Variants in SLC39A10 observed in about 807,000 individuals in gnomAD.
SLC39A10 encodes the protein solute carrier family 39 member 10, also known as zinc transporter ZIP10.
Under a neutral mutation model 65.1 loss-of-function variants are expected in SLC39A10, and 13 were observed. The ratio of observed to expected loss-of-function variants is 0.20; its 90% CI spans 0.13 to 0.32. The LOEUF (loss-of-function observed/expected upper bound fraction) is 0.32. SLC39A10 is among the 10% of genes least tolerant of loss of function. The probability of loss-of-function intolerance (pLI) is 1.00; values close to 1 mark genes in which losing one functional copy is unlikely to be tolerated. For missense variants in SLC39A10, 831 were observed against 1,018.4 expected, an observed-to-expected ratio of 0.82 and a Z score of 2.50; for synonymous variants, 321 against 342.2, an observed-to-expected ratio of 0.94 and a Z score of 0.68.
At chr2:195,637,895 T>A (rs759928795) in intron 2 of SLC39A10, among the ~76,000 whole-genome samples, 14 of 152,280 alleles carry the variant, frequency 9.2e-5, no homozygotes, top group African/African-American at 2.9e-4. Flanking sequence ...TGAGATAATA[T>A]GAAGTGATAA....
chr2:195,716,886 A>G lies in SLC39A10; in HGVS notation c.1946A>G (p.His649Arg). The G allele has an allele frequency of 6.2e-7, 1 of 1,608,256 alleles. No homozygotes were observed. Among genetic ancestry groups the G allele is most frequent in the Admixed American group, 1.7e-5 (1 of 59,914 alleles). Residue 649 changes from histidine (H) to arginine (R), a missense_variant, in exon 7 of 10, where the codon CAT becomes CGT. Around this residue, in one of 4 missense-constraint regions of SLC39A10, gnomAD observed 230 missense variants for 242.9 expected, o/e 0.95. Coordinates refer to ENST00000359634, the MANE Select transcript of SLC39A10 (RefSeq NM_020342.3). ...HNHQWHHKHSHHSHGPCHSGS... is the reference protein window; with the variant it reads ...HNHQWHHKHSRHSHGPCHSGS... ...CACCAGTGGCACCACAAGCATTCTC[A>G]TCATTCCCATGGCCCCTGTCATTCT...
Position 195,657,469 on chromosome 2 carries a change from G to A in SLC39A10, c.-12+188G>A, listed in dbSNP as rs868022907. The stretch of plus-strand genomic sequence containing the variant: ...CTGCTGCAGTCGGCGGCGGCCAGCC[G>A]AAGCAGAGCGCGTGGTGGGCAGAGT... On this transcript the variant is annotated intron_variant, in intron 1 of 9. Transcript: ENST00000359634. 4.1e-6 allele frequency: 4 copies of A among 985,868 alleles called. No individual in the cohort carries two copies. The African/African-American group carries it at 7.0e-5, about 17-fold the overall frequency. The allele number at this position is 985,868 out of a possible 1,614,324, so 61.1% of individuals were successfully genotyped here. A position where few individuals can be genotyped will look rare whatever the true frequency, so the allele number is the denominator to read the frequency against.
At chr2:195,698,097 T>C (rs1404766161) in intron 3 of SLC39A10, among the ~76,000 whole-genome samples, 1 of 152,134 alleles carries the variant, frequency 6.6e-6, no homozygotes, top group African/African-American at 2.4e-5. Flanking sequence ...TTCTAATACT[T>C]TTTTGTGTGA....
chr2:195,734,585 A>T (rs936326818), intron 9 of SLC39A10, among the ~76,000 whole-genome samples: 1 of 152,210 alleles, frequency 6.6e-6, no homozygotes, highest in African/African-American at 2.4e-5. Context: ...GTAAAATGTC[A>T]GAATTTATAA....
At chr2:195,674,403 G>A (rs1021767998) in intron 1 of SLC39A10, among the ~76,000 whole-genome samples, 2 of 152,042 alleles carry the variant, frequency 1.3e-5, no homozygotes, top group African/African-American at 2.4e-5. Flanking sequence ...TCACCTTCCC[G>A]AGTAGCTGAG....
At chr2:195,729,142 A>G (rs545283935) in intron 9 of SLC39A10, among the ~76,000 whole-genome samples, 2 of 151,202 alleles carry the variant, frequency 1.3e-5, no homozygotes, top group African/African-American at 4.9e-5. Context: ...CAGCAAAAAT[A>G]TTTTTTTTAA....
chr2:195,672,511 A>C (rs1689905727), intron 1 of SLC39A10, among the ~76,000 whole-genome samples: 1 of 151,400 alleles, frequency 6.6e-6, no homozygotes, highest in Non-Finnish European at 1.5e-5. Flanking sequence ...TTACTTTAAT[A>C]AATAAAAAAA....
intron 2 of SLC39A10, among the ~76,000 whole-genome samples, chr2:195,651,562 T>C (rs6434792): frequency 0.62 from 94,247 of 151,936 alleles, 29,818 homozygotes; most frequent in Non-Finnish European, 0.69. Flanking sequence ...GCAACCTCCA[T>C]CTCCCAGGAT....
chr2:195,652,313 C>T (rs573049468), upstream of SLC39A10, among the ~76,000 whole-genome samples: 2 of 151,990 alleles, frequency 1.3e-5, no homozygotes, highest in South Asian at 2.1e-4. Flanking sequence ...TTTGGGACGC[C>T]GAGGCGGGTG....
At position 195,719,407 on chromosome 2, in the gene SLC39A10, T is replaced by C. The variant is rs931496528; in HGVS notation, c.2146+1075T>C. 5.3e-5 allele frequency among the ~76,000 whole-genome samples: 8 copies of C among 152,338 alleles called. No homozygotes were observed. In the East Asian group the frequency reaches 1.5e-3, roughly 29 times the overall value. The stretch of plus-strand genomic sequence containing the variant: ...ATTTTACATATGTAGCACCTGTTAT[T>C]GGACACAGCACGTGGCCTTTAATTT... On this transcript the variant is annotated intron_variant, in intron 8 of 9. Transcript: ENST00000359634.
intron 3 of SLC39A10, among the ~76,000 whole-genome samples, chr2:195,697,947 C>A (rs981287785): frequency 6.6e-6 from 1 of 152,030 alleles, no homozygotes; most frequent in Non-Finnish European, 1.5e-5. Context: ...AAGTTAATTG[C>A]TAAGTATTTT....
At chr2:195,677,207 T>C (rs60750867) in intron 1 of SLC39A10, among the ~76,000 whole-genome samples, 9,160 of 152,210 alleles carry the variant, frequency 0.06, 389 homozygotes, top group African/African-American at 0.12. Flanking sequence ...CACTTTGCAG[T>C]CCCCTCCATT....
intron 1 of SLC39A10, 50 bp downstream of exon 1, chr2:195,657,331 C>G (rs1689182986): frequency 2.1e-6 from 2 of 956,404 alleles, no homozygotes; most frequent in Non-Finnish European, 1.2e-6. Context: ...AGAACCGGCC[C>G]CGTGCGCGGC....
intron 2 of SLC39A10, among the ~76,000 whole-genome samples, chr2:195,629,528 C>CTT (rs1344722183): frequency 6.6e-6 from 1 of 152,112 alleles, no homozygotes; most frequent in Non-Finnish European, 1.5e-5. Context: ...TTTGACACTG[C>CTT]TTCTACACCA....
intron 2 of SLC39A10, among the ~76,000 whole-genome samples, chr2:195,638,156 C>T (rs750069872): frequency 4.6e-5 from 7 of 152,160 alleles, no homozygotes; most frequent in Admixed American, 3.3e-4. Flanking sequence ...ATTTTATCTA[C>T]CAATTTTTTA....
chr2:195,615,795 A>C (rs1688194122), intron 2 of SLC39A10, among the ~76,000 whole-genome samples: 1 of 152,210 alleles, frequency 6.6e-6, no homozygotes, highest in African/African-American at 2.4e-5. Flanking sequence ...CAGATATATA[A>C]TACATTTAAA....
chr2:195,620,184 A>AC (rs1688322085), intron 2 of SLC39A10, among the ~76,000 whole-genome samples: 1 of 152,162 alleles, frequency 6.6e-6, no homozygotes, highest in South Asian at 2.1e-4. Flanking sequence ...TTGGCCTCCC[A>AC]AAGTGCTGGG....
chr2:195,718,580 T>C lies in SLC39A10; in HGVS notation c.2146+248T>C, dbSNP rs1559048373. ...CATAGTTATGCTGTTATAATGAAGATTATAGATTATGACTGGTTCACTAAG... is the reference window on the plus strand; with the variant it reads ...CATAGTTATGCTGTTATAATGAAGACTATAGATTATGACTGGTTCACTAAG... On this transcript the variant is annotated intron_variant, in intron 8 of 9. Transcript: ENST00000359634. Among the ~76,000 whole-genome samples the C allele has an allele frequency of 2.6e-5, 4 of 152,164 alleles. No individual in the cohort carries two copies. The East Asian group carries it at 7.7e-4, about 29-fold the overall frequency.
Position 195,689,421 on chromosome 2 carries a change from C to CA in SLC39A10, c.1216+5525dup, listed in dbSNP as rs984362483. 2.7e-3 allele frequency among the ~76,000 whole-genome samples: 385 copies of CA among 143,698 alleles called. 1 individual carries two copies. Among genetic ancestry groups the CA allele is most frequent in the African/African-American group, 8.6e-3 (336 of 39,262 alleles). 94.3% of individuals were successfully genotyped at this position (143,698 alleles called of 152,430 possible). On this transcript the variant is annotated intron_variant, in intron 3 of 9. Coordinates refer to ENST00000359634, the MANE Select transcript of SLC39A10 (RefSeq NM_020342.3). ...TGGATAACGAAGTGAGAACCTGTCT[C>CA]AAAAAAAAAAGAGGACTTTGGGTTT...
Sources: gnomAD v4.1 joint callset for allele counts (sites outside exome capture counted in the v4.1 genomes callset) on GRCh38, gnomAD v4.1.1 for gene constraint, gnomAD v4.1.1 regional missense constraint, MANE v1.5 for transcripts, NCBI Gene and HGNC (gene_info 2026-07-23, HGNC 2026-07-21) for gene names.